CBX5: variants seen among roughly 807,000 people sequenced by gnomAD.
The protein encoded by CBX5 is chromobox 5.
In CBX5, 7 loss-of-function variants were observed where a neutral mutation model predicts 20.7. The observed-to-expected ratio is 0.34, with a 90% confidence interval of 0.19 to 0.63. CBX5 has a LOEUF of 0.63. Among genes scored for constraint, CBX5 ranks in the 30% least tolerant of loss-of-function variants. The probability of loss-of-function intolerance (pLI) is 0.75; values close to 1 mark genes in which losing one functional copy is unlikely to be tolerated. For synonymous variants in CBX5, 78 were observed against 77.0 expected (o/e 1.01, Z -0.07); for missense variants, 110 against 224.1 (o/e 0.49, Z 3.25).
At chr12:54,245,684 G>A (rs1245927238) in intron 4 of CBX5, among the ~76,000 whole-genome samples, 2 of 152,186 alleles carry the variant, frequency 1.3e-5, no homozygotes, top group Non-Finnish European at 2.9e-5. Flanking sequence ...CCAGCTACTC[G>A]GGAGGCTGAG....
intron 1 of CBX5, among the ~76,000 whole-genome samples, chr12:54,275,192 C>T (rs1368313272): frequency 6.6e-6 from 1 of 152,096 alleles, no homozygotes; most frequent in Non-Finnish European, 1.5e-5. Flanking sequence ...GAATATATTC[C>T]CCTTTAGTAA....
chr12:54,257,356 G>A (rs1300161117), intron 2 of CBX5, among the ~76,000 whole-genome samples, 158 bp downstream of exon 2: 2 of 152,162 alleles, frequency 1.3e-5, no homozygotes, highest in African/African-American at 4.8e-5. Context: ...CTCCACAAGC[G>A]GAGAGATTTT....
intron 1 of CBX5, among the ~76,000 whole-genome samples, chr12:54,267,605 G>A (rs376973723): frequency 7.3e-5 from 11 of 151,582 alleles, no homozygotes; most frequent in Admixed American, 1.3e-4. Context: ...TCCATGTTCC[G>A]GGTTCATGCC....
At chr12:54,250,250 A>C (rs984362903) in intron 3 of CBX5, among the ~76,000 whole-genome samples, 1 of 152,018 alleles carries the variant, frequency 6.6e-6, no homozygotes, top group African/African-American at 2.4e-5. Flanking sequence ...AATAAAAATA[A>C]AAATACAAAA....
chr12:54,241,774 T>G lies in CBX5; in HGVS notation c.557A>C (p.Lys186Thr). 6.2e-7 allele frequency: 1 copy of G among 1,612,340 alleles called. No individual in the cohort carries two copies. Among genetic ancestry groups the G allele is most frequent in the South Asian group, 1.1e-5 (1 of 90,622 alleles). Residue 186 changes from lysine to threonine, a missense_variant, in exon 5 of 5, where the codon AAA becomes ACA. Transcript: ENST00000209875. ...CCTCCTTTAGCTCTTTGCTGTTTCTTTCTCTTTGTTTTCCGCATCCTCAGG... is the reference window on the plus strand; with the variant it reads ...CCTCCTTTAGCTCTTTGCTGTTTCTGTCTCTTTGTTTTCCGCATCCTCAGG... ...AYPEDAENKE[K>T]ETAKS
intron 1 of CBX5, among the ~76,000 whole-genome samples, chr12:54,268,853 C>T (rs1228973215): frequency 6.6e-6 from 1 of 152,166 alleles, no homozygotes; most frequent in Non-Finnish European, 1.5e-5. Flanking sequence ...TTCATTGACT[C>T]TCATGGGTGT....
Position 54,241,437 on chromosome 12 carries a change from T to A in CBX5, c.*318A>T. On this transcript the variant is annotated 3_prime_UTR_variant, in exon 5 of 5. Coordinates refer to ENST00000209875, the MANE Select transcript of CBX5 (RefSeq NM_012117.3). ...CGACCAACCCTGAAAAGATCAAGAC[T>A]CTAAGGTGATTAAAAAGTTGAAACT... 1 of 239,534 alleles carries A rather than the reference T, an allele frequency of 4.2e-6. No individual in the cohort carries two copies. 14.8% of individuals were successfully genotyped at this position (239,534 alleles called of 1,614,324 possible).
chr12:54,242,033 G>C, intron 4 of CBX5, 128 bp from the exon 5 acceptor site: 1 of 777,888 alleles, frequency 1.3e-6, no homozygotes. Context: ...AAGGTGAAAA[G>C]GACCCTTTCA....
chr12:54,234,948 T>A lies in CBX5; in HGVS notation c.*6807A>T, dbSNP rs1466282678. ...ACCAAAGTCAAGCACAATGTTAAAG[T>A]GACAAGTTGAAGTAACTCTAAAAAG... On this transcript the variant is annotated 3_prime_UTR_variant, in exon 5 of 5. Transcript: ENST00000209875. 1.3e-5 allele frequency: 2 copies of A among 152,160 alleles called. No homozygotes were observed. The highest frequency in any genetic ancestry group is 4.8e-5 in the African/African-American group (2 of 41,432). The allele number at this position is 152,160 out of a possible 1,614,324, so 9.4% of individuals were successfully genotyped here.
intron 1 of CBX5, among the ~76,000 whole-genome samples, chr12:54,264,848 A>G (rs1024867021): frequency 6.2e-5 from 9 of 146,184 alleles, no homozygotes; most frequent in South Asian, 2.1e-4. Flanking sequence ...CATCTCAAAG[A>G]AAAAAAAAAA....
chr12:54,253,479 A>G (rs1943830087), intron 2 of CBX5, among the ~76,000 whole-genome samples: 1 of 152,106 alleles, frequency 6.6e-6, no homozygotes, highest in Admixed American at 6.6e-5. Flanking sequence ...TAATCTCAGC[A>G]CTTTGGGAGG....
At position 54,233,253 on chromosome 12, in the gene CBX5, A is replaced by C. The variant is rs1455151996; in HGVS notation, c.*8502T>G. The C allele has an allele frequency of 6.6e-6, 1 of 152,182 alleles. No homozygotes were observed. The highest frequency in any genetic ancestry group is 2.4e-5 in the African/African-American group (1 of 41,432). 9.4% of individuals were successfully genotyped at this position (152,182 alleles called of 1,614,324 possible). A position where few individuals can be genotyped will look rare whatever the true frequency, so the allele number is the denominator to read the frequency against. On this transcript the variant is annotated 3_prime_UTR_variant, in exon 5 of 5. Coordinates refer to ENST00000209875, the MANE Select transcript of CBX5 (RefSeq NM_012117.3). ...CTCTTGAATTCTTTCCTCCTGTGAG[A>C]GATGTAACTCTTTAACAAAAAAAAG...
At chr12:54,260,046 AAT>A (rs1350469786) in intron 1 of CBX5, among the ~76,000 whole-genome samples, 1 of 152,004 alleles carries the variant, frequency 6.6e-6, no homozygotes, top group African/African-American at 2.4e-5. Flanking sequence ...TGAGGGGAAA[AAT>A]AACAGGAAAC....
intron 1 of CBX5, among the ~76,000 whole-genome samples, chr12:54,266,814 A>C (rs1327185945): frequency 6.6e-6 from 1 of 152,040 alleles, no homozygotes; most frequent in Non-Finnish European, 1.5e-5. Flanking sequence ...ATTAAAATCC[A>C]CTCAATTTCT....
Position 54,237,088 on chromosome 12 carries a change from G to A in CBX5, c.*4667C>T, listed in dbSNP as rs918132359. 1 of 152,116 alleles carries A rather than the reference G, an allele frequency of 6.6e-6. No individual in the cohort carries two copies. Among genetic ancestry groups the A allele is most frequent in the Non-Finnish European group, 1.5e-5 (1 of 68,032 alleles). 9.4% of individuals were successfully genotyped at this position (152,116 alleles called of 1,614,324 possible). A position where few individuals can be genotyped will look rare whatever the true frequency, so the allele number is the denominator to read the frequency against. On this transcript the variant is annotated 3_prime_UTR_variant, in exon 5 of 5. Coordinates refer to ENST00000209875, the MANE Select transcript of CBX5 (RefSeq NM_012117.3). ...TGCAGTATGGCTGGGGGACAGTCAAGGACCATCTAGACTTTTAATTGTTAG... is the reference window on the plus strand; with the variant it reads ...TGCAGTATGGCTGGGGGACAGTCAAAGACCATCTAGACTTTTAATTGTTAG...
chr12:54,263,928 A>G (rs1193565989), intron 1 of CBX5, among the ~76,000 whole-genome samples: 3 of 151,938 alleles, frequency 2.0e-5, no homozygotes, highest in Non-Finnish European at 4.4e-5. Context: ...CTGTAGTCCC[A>G]GCTACTGGGG....
Position 54,241,691 on chromosome 12 carries a change from G to A in CBX5, c.*64C>T. Reference sequence around the variant, plus strand: ...TAGGATAGAAAGGGGTGGGTAGAAAGGAGAGGAGGCAGGGAGGTGAATGTA... The same window carrying A: ...TAGGATAGAAAGGGGTGGGTAGAAAAGAGAGGAGGCAGGGAGGTGAATGTA... On this transcript the variant is annotated 3_prime_UTR_variant, in exon 5 of 5. Coordinates refer to ENST00000209875, the MANE Select transcript of CBX5 (RefSeq NM_012117.3). 1 of 1,485,744 alleles carries A rather than the reference G, an allele frequency of 6.7e-7. No homozygotes were observed. 92.0% of individuals were successfully genotyped at this position (1,485,744 alleles called of 1,614,324 possible). A position where few individuals can be genotyped will look rare whatever the true frequency, so the allele number is the denominator to read the frequency against.
chr12:54,248,440 C>T (rs1943759850), intron 3 of CBX5, among the ~76,000 whole-genome samples: 1 of 152,184 alleles, frequency 6.6e-6, no homozygotes, highest in Admixed American at 6.5e-5. Flanking sequence ...ATCTTATGTT[C>T]ACCTGCTTTC....
chr12:54,247,995 C>T (rs1353026990), intron 3 of CBX5, among the ~76,000 whole-genome samples: 2 of 152,070 alleles, frequency 1.3e-5, no homozygotes, highest in African/African-American at 2.4e-5. Flanking sequence ...TGCGTGCCAC[C>T]GCACCTGGCT....
Sources: gnomAD v4.1 joint callset for allele counts (sites outside exome capture counted in the v4.1 genomes callset) on GRCh38, gnomAD v4.1.1 for gene constraint, MANE v1.5 for transcripts, NCBI Gene and HGNC (gene_info 2026-07-23, HGNC 2026-07-21) for gene names.